Variants in NEGR1 observed in about 807,000 individuals in gnomAD.
NEGR1 encodes the protein neuronal growth regulator 1.
NEGR1 carries 10 observed loss-of-function variants against 40.9 expected under a neutral mutation model. The observed-to-expected ratio is 0.24, with a 90% CI of 0.15 to 0.42. The LOEUF is 0.42. NEGR1 is among the 10% of genes least tolerant of loss of function. The pLI is 1.00. For synonymous variants in NEGR1, 185 were observed against 166.8 expected (o/e 1.11, Z -0.84); for missense variants, 352 against 438.9 (o/e 0.80, Z 1.77).
At chr1:71,845,544 TA>T (rs1469656685) in intron 2 of NEGR1, among the ~76,000 whole-genome samples, 2 of 152,146 alleles carry the variant, frequency 1.3e-5, no homozygotes, top group Non-Finnish European at 2.9e-5. Flanking sequence ...AAATAATATT[TA>T]TTGAGCACTG....
chr1:71,882,014 AC>A (rs1660597090), intron 2 of NEGR1, among the ~76,000 whole-genome samples: 1 of 152,090 alleles, frequency 6.6e-6, no homozygotes, highest in African/African-American at 2.4e-5. Context: ...TTAATCTGTA[AC>A]TGACAGATGT....
intron 1 of NEGR1, among the ~76,000 whole-genome samples, chr1:72,119,460 A>G (rs1221881893): frequency 6.6e-6 from 1 of 151,974 alleles, no homozygotes; most frequent in Non-Finnish European, 1.5e-5. Flanking sequence ...ATGCCTTAGT[A>G]TTAAAAAAAT....
intron 2 of NEGR1, among the ~76,000 whole-genome samples, chr1:71,805,489 G>C (rs964685065): frequency 6.6e-6 from 1 of 152,022 alleles, no homozygotes; most frequent in Non-Finnish European, 1.5e-5. Context: ...CGACACTTAG[G>C]GAAAATAGAT....
intron 4 of NEGR1, among the ~76,000 whole-genome samples, chr1:71,661,789 C>T (rs1261959823): frequency 1.3e-5 from 2 of 152,168 alleles, no homozygotes; most frequent in South Asian, 2.1e-4. Flanking sequence ...CATTATTCTA[C>T]CTCTTAGTAG....
chr1:71,492,130 A>T (rs1646934001), intron 6 of NEGR1, among the ~76,000 whole-genome samples: 1 of 152,118 alleles, frequency 6.6e-6, no homozygotes, highest in Non-Finnish European at 1.5e-5. Context: ...TGAGAAATGC[A>T]TTTTTATTAT....
chr1:71,854,080 T>C (rs1211907966), intron 2 of NEGR1, among the ~76,000 whole-genome samples: 7 of 152,292 alleles, frequency 4.6e-5, no homozygotes, highest in Admixed American at 2.6e-4. Context: ...GTTAATTTAA[T>C]GTCATGTATA....
intron 1 of NEGR1, among the ~76,000 whole-genome samples, chr1:72,128,361 A>G (rs1650110883): frequency 2.6e-5 from 4 of 152,176 alleles, no homozygotes. Context: ...AGAAAGTATT[A>G]AAGTGCAGCA....
chr1:72,250,226 A>G (rs549441081), intron 1 of NEGR1, among the ~76,000 whole-genome samples: 44 of 152,058 alleles, frequency 2.9e-4, no homozygotes, highest in African/African-American at 9.4e-4. Flanking sequence ...TCATAAGACA[A>G]TTCCTTAAAT....
At chr1:71,495,507 AT>A (rs1646957107) in intron 6 of NEGR1, among the ~76,000 whole-genome samples, 1 of 151,944 alleles carries the variant, frequency 6.6e-6, no homozygotes, top group Non-Finnish European at 1.5e-5. Context: ...AACAAGAAAA[AT>A]AAGTTATACA....
At chr1:71,792,919 G>A (rs1241568348) in intron 2 of NEGR1, among the ~76,000 whole-genome samples, 1 of 151,926 alleles carries the variant, frequency 6.6e-6, no homozygotes, top group African/African-American at 2.4e-5. Context: ...TGATTACCAA[G>A]TTCATTTTCC....
rs543082412 is a variant in NEGR1, at chr1:71,801,885, G to C, written c.410-25588C>G. Among the ~76,000 whole-genome samples, 4 of 152,268 alleles carry C rather than the reference G, an allele frequency of 2.6e-5. No individual in the cohort carries two copies. In the South Asian group the frequency reaches 8.3e-4, roughly 32 times the overall value. ...TGAAAGAAAAGAGGAAGACAGTAGT[G>C]CAAGCTATTATTGTTTTAGAGAACA... is the stretch of plus-strand genomic sequence containing the variant. On this transcript the variant is annotated intron_variant, in intron 2 of 6. Coordinates refer to ENST00000357731, the MANE Select transcript of NEGR1 (RefSeq NM_173808.3).
chr1:72,172,080 T>C (rs1438770111), intron 1 of NEGR1, among the ~76,000 whole-genome samples: 1 of 152,140 alleles, frequency 6.6e-6, no homozygotes, highest in Admixed American at 6.6e-5. Context: ...ATTTTGATAT[T>C]ATGAATCAGC....
intron 6 of NEGR1, among the ~76,000 whole-genome samples, chr1:71,536,992 T>A (rs1202865358): frequency 6.6e-6 from 1 of 151,702 alleles, no homozygotes; most frequent in Non-Finnish European, 1.5e-5. Context: ...GATTTCCTTA[T>A]ACTATTCAGA....
rs115095367 is a variant in NEGR1, at chr1:72,196,299, A to T, written c.176+86020T>A. Among the ~76,000 whole-genome samples the T allele has an allele frequency of 4.8e-3, 723 of 151,930 alleles. 6 individuals carry two copies. Among genetic ancestry groups the T allele is most frequent in the African/African-American group, 0.017 (694 of 41,466 alleles). ...TGCAAAAATTTCAAAATCTGAAAAA[A>T]CTCTAAATAAAAAACATTTCTGTGC... On this transcript the variant is annotated intron_variant, in intron 1 of 6. Coordinates refer to ENST00000357731, the MANE Select transcript of NEGR1 (RefSeq NM_173808.3).
chr1:71,453,751 G>A (rs1451543217), intron 6 of NEGR1, among the ~76,000 whole-genome samples: 2 of 152,152 alleles, frequency 1.3e-5, no homozygotes, highest in Non-Finnish European at 2.9e-5. Flanking sequence ...AATATTGTTT[G>A]TGTCAGAGAG....
intron 1 of NEGR1, among the ~76,000 whole-genome samples, chr1:72,074,489 G>T (rs1320744111): frequency 6.6e-6 from 1 of 151,574 alleles, no homozygotes; most frequent in Admixed American, 6.6e-5. Flanking sequence ...AGGTTTTATC[G>T]GCACTACACC....
At chr1:72,255,163 AT>A (rs367676600) in intron 1 of NEGR1, among the ~76,000 whole-genome samples, 6,523 of 152,178 alleles carry the variant, frequency 0.043, 476 homozygotes, top group African/African-American at 0.15. Flanking sequence ...GAACAGGGAC[AT>A]TTTTTACTAG....
intron 1 of NEGR1, among the ~76,000 whole-genome samples, chr1:72,004,603 C>A (rs1194773462): frequency 6.6e-6 from 1 of 152,096 alleles, no homozygotes; most frequent in African/African-American, 2.4e-5. Flanking sequence ...AAACTTTTAA[C>A]AGCAAAGTCT....
chr1:71,675,918 T>C (rs1391523037), intron 4 of NEGR1, among the ~76,000 whole-genome samples: 18 of 152,006 alleles, frequency 1.2e-4, no homozygotes, highest in Non-Finnish European at 1.9e-4. Flanking sequence ...CCTCCTTCCT[T>C]GGCCTCTCAA....
Sources: gnomAD v4.1 joint callset for allele counts (sites outside exome capture counted in the v4.1 genomes callset) on GRCh38, gnomAD v4.1.1 for gene constraint, MANE v1.5 for transcripts, NCBI Gene and HGNC (gene_info 2026-07-23, HGNC 2026-07-21) for gene names.